CSMD1: variants seen among roughly 807,000 people sequenced by gnomAD.
The protein encoded by CSMD1 is CUB and Sushi multiple domains 1, also known as CUB and sushi domain-containing protein 1.
CSMD1 carries 213 observed loss-of-function variants against 417.5 expected under a neutral mutation model. The observed-to-expected ratio is 0.51, with a 90% CI of 0.46 to 0.57. CSMD1 has a LOEUF of 0.57. CSMD1 is among the 20% of genes least tolerant of loss of function. The pLI, the probability that CSMD1 is intolerant of heterozygous loss-of-function variation, is 0.00. For synonymous variants in CSMD1, 2,862 were observed against 1,736.8 expected (o/e 1.65, Z -16.11); for missense variants, 6,923 against 4,529.7 (o/e 1.53, Z -15.17).
chr8:4,371,200 C>A (rs79087212), intron 3 of CSMD1, among the ~76,000 whole-genome samples: 5,948 of 152,176 alleles, frequency 0.039, 280 homozygotes, highest in African/African-American at 0.11. Context: ...AGGCTCAGCT[C>A]CACACTGCTG....
At chr8:4,193,603 C>T (rs961954968) in intron 3 of CSMD1, among the ~76,000 whole-genome samples, 1 of 152,098 alleles carries the variant, frequency 6.6e-6, no homozygotes, top group Non-Finnish European at 1.5e-5. Flanking sequence ...TCCCACCGGG[C>T]CCTCTGAGGA....
At chr8:3,103,299 G>A (rs939338160) in intron 46 of CSMD1, among the ~76,000 whole-genome samples, 6 of 152,150 alleles carry the variant, frequency 3.9e-5, no homozygotes, top group South Asian at 2.1e-4. Flanking sequence ...TCTGCATCTC[G>A]TTATTGGGAC....
chr8:4,571,888 C>G (rs867046766), intron 2 of CSMD1, among the ~76,000 whole-genome samples: 2 of 152,110 alleles, frequency 1.3e-5, no homozygotes, highest in Admixed American at 1.3e-4. Flanking sequence ...ATGCCCTTGT[C>G]TTTTTGGATC....
At chr8:3,000,258 C>T in intron 52 of CSMD1, 127 bp from the exon 53 acceptor site, 1 of 453,640 alleles carries the variant, frequency 2.2e-6, no homozygotes, top group Non-Finnish European at 3.8e-6. Context: ...TTTATCATTA[C>T]ATATATATGT....
intron 2 of CSMD1, among the ~76,000 whole-genome samples, chr8:4,422,507 T>G (rs1411998627): frequency 6.6e-6 from 1 of 152,046 alleles, no homozygotes; most frequent in Non-Finnish European, 1.5e-5. Context: ...GGACACATAC[T>G]GAGAAAAGAC....
chr8:4,761,907 CTATCAATCTATCTATCTATCTATCTAT>C (rs1812124693), intron 1 of CSMD1, among the ~76,000 whole-genome samples: 6 of 121,674 alleles, frequency 4.9e-5, no homozygotes, highest in Non-Finnish European at 5.2e-5. Context: ...ATCTATCTAT[CTATCAATCTATCTATCTATCTATCTAT>C]CTATCTATCT....
chr8:2,992,381 AC>A (rs1313444059), intron 54 of CSMD1, among the ~76,000 whole-genome samples: 1 of 151,812 alleles, frequency 6.6e-6, no homozygotes, highest in Admixed American at 6.6e-5. Flanking sequence ...TGAACTGCAC[AC>A]TTTAGAACGG....
intron 3 of CSMD1, among the ~76,000 whole-genome samples, chr8:4,034,551 C>T (rs541842532): frequency 1.3e-5 from 2 of 152,162 alleles, no homozygotes; most frequent in African/African-American, 4.8e-5. Flanking sequence ...AAAAACTTTC[C>T]ATTTTATCAG....
chr8:3,922,668 G>A (rs533692839), intron 5 of CSMD1, among the ~76,000 whole-genome samples: 13 of 152,040 alleles, frequency 8.6e-5, no homozygotes, highest in African/African-American at 3.1e-4. Context: ...TTTTAATTGT[G>A]CTTTTCATCC....
intron 2 of CSMD1, among the ~76,000 whole-genome samples, chr8:4,499,947 T>A (rs1464103915): frequency 6.6e-6 from 1 of 152,078 alleles, no homozygotes; most frequent in Non-Finnish European, 1.5e-5. Context: ...TAGGGTAGTA[T>A]GCATGGAAAG....
chr8:4,221,437 C>G (rs955567570), intron 3 of CSMD1, among the ~76,000 whole-genome samples: 47 of 149,922 alleles, frequency 3.1e-4, no homozygotes, highest in African/African-American at 1.1e-3. Flanking sequence ...ACTGGGTTAA[C>G]AGACAACTGG....
At chr8:4,360,146 G>C (rs975953418) in intron 3 of CSMD1, among the ~76,000 whole-genome samples, 3 of 152,126 alleles carry the variant, frequency 2.0e-5, no homozygotes, top group African/African-American at 7.2e-5. Flanking sequence ...AGGATGATCT[G>C]AGAGGATGAA....
At chr8:4,147,046 T>C (rs188592099) in intron 3 of CSMD1, among the ~76,000 whole-genome samples, 1 of 151,738 alleles carries the variant, frequency 6.6e-6, no homozygotes, top group Non-Finnish European at 1.5e-5. Flanking sequence ...TTTCTGGGCT[T>C]TTCCTTCACC....
chr8:3,497,686 T>C (rs147503812), intron 10 of CSMD1, among the ~76,000 whole-genome samples: 1 of 152,360 alleles, frequency 6.6e-6, no homozygotes, highest in East Asian at 1.9e-4. Flanking sequence ...TCTATGCCTT[T>C]ACAGGTGCAG....
intron 2 of CSMD1, among the ~76,000 whole-genome samples, chr8:4,571,636 G>A (rs1318797393): frequency 6.6e-6 from 1 of 152,154 alleles, no homozygotes; most frequent in African/African-American, 2.4e-5. Context: ...CGGGTGGACA[G>A]TTCTATAGAT....
chr8:3,951,746 T>C (rs1811615029), intron 5 of CSMD1, among the ~76,000 whole-genome samples: 1 of 152,128 alleles, frequency 6.6e-6, no homozygotes, highest in Admixed American at 6.6e-5. Context: ...CATTAAAACG[T>C]AATAGATGAG....
chr8:4,980,802 G>A (rs1367163179), intron 1 of CSMD1, among the ~76,000 whole-genome samples: 2 of 151,964 alleles, frequency 1.3e-5, no homozygotes, highest in Admixed American at 1.3e-4. Context: ...CTACTTGGGG[G>A]CTGACACGGG....
At chr8:3,972,250 T>G (rs1399948807) in intron 5 of CSMD1, among the ~76,000 whole-genome samples, 1 of 152,156 alleles carries the variant, frequency 6.6e-6, no homozygotes, top group Non-Finnish European at 1.5e-5. Context: ...AATTAAATAG[T>G]ATTGACCTTG....
intron 5 of CSMD1, among the ~76,000 whole-genome samples, chr8:3,923,137 G>C (rs1056632382): frequency 2.0e-4 from 30 of 152,120 alleles, no homozygotes; most frequent in African/African-American, 7.2e-4. Context: ...AAGAGAGCTA[G>C]GGTCCCAGAC....
Sources: gnomAD v4.1 joint callset for allele counts (sites outside exome capture counted in the v4.1 genomes callset) on GRCh38, gnomAD v4.1.1 for gene constraint, MANE v1.5 for transcripts, NCBI Gene and HGNC (gene_info 2026-07-23, HGNC 2026-07-21) for gene names.